PALM2AKAP2: variants seen among roughly 807,000 people sequenced by gnomAD.
PALM2AKAP2 encodes PALM2 and AKAP2 fusion.
PALM2AKAP2 carries 37 observed loss-of-function variants against 71.5 expected under a neutral mutation model. The observed-to-expected ratio is 0.52, with a 90% CI of 0.40 to 0.68. The LOEUF (loss-of-function observed/expected upper bound fraction) is 0.68. Among genes scored for constraint, PALM2AKAP2 ranks in the 30% least tolerant of loss-of-function variants. The probability of loss-of-function intolerance (pLI) is 0.00; values close to 1 mark genes in which losing one functional copy is unlikely to be tolerated. For missense variants in PALM2AKAP2, 1,224 were observed against 1,191.8 expected, an observed-to-expected ratio of 1.03 and a Z score of -0.40; for synonymous variants, 468 against 478.8, an observed-to-expected ratio of 0.98 and a Z score of 0.29.
intron 6 of PALM2AKAP2, among the ~76,000 whole-genome samples, chr9:109,990,033 C>T (rs1017171763): frequency 6.6e-5 from 10 of 151,674 alleles, no homozygotes; most frequent in African/African-American, 2.2e-4. Context: ...CACTGTTCCA[C>T]TGTTTAAGTC....
chr9:110,024,934 T>C (rs1428395255), intron 7 of PALM2AKAP2: 9 of 1,380,676 alleles, frequency 6.5e-6, no homozygotes, highest in Non-Finnish European at 9.3e-6. Context: ...TCCTTCCCAT[T>C]GGTTCTCACA....
chr9:110,161,968 A>G lies in PALM2AKAP2; in HGVS notation c.2748+5471A>G, dbSNP rs1390544329. 17 of 1,288,692 alleles carry G rather than the reference A, an allele frequency of 1.3e-5. No homozygotes were observed. In the Admixed American group the frequency reaches 3.1e-4, roughly 23 times the overall value. 79.8% of individuals were successfully genotyped at this position (1,288,692 alleles called of 1,614,324 possible). A position where few individuals can be genotyped will look rare whatever the true frequency, so the allele number is the denominator to read the frequency against. ...ATGGAGAAAGTTTTGGCATGGGTGTAGAATGGCCTCCTGGTATTACTTCCC... is the reference window on the plus strand; with the variant it reads ...ATGGAGAAAGTTTTGGCATGGGTGTGGAATGGCCTCCTGGTATTACTTCCC... On this transcript the variant is annotated intron_variant, in intron 3 of 3. Coordinates refer to ENST00000374525, the Ensembl canonical transcript of PALM2AKAP2.
chr9:109,735,461 C>G (rs1164844881), intron 1 of PALM2AKAP2, among the ~76,000 whole-genome samples: 2 of 151,998 alleles, frequency 1.3e-5, no homozygotes, highest in Non-Finnish European at 2.9e-5. Context: ...ACTCTCAGCT[C>G]AAATCTTGTC....
At chr9:110,169,060 T>G in exon 4 of PALM2AKAP2, 1 of 152,780 alleles carries the variant, frequency 6.5e-6, no homozygotes, top group Non-Finnish European at 1.5e-5. Flanking sequence ...TCTCCTACAT[T>G]TAATTATTTT....
chr9:110,093,145 AGCCAGTTGTT>A (rs1222675543), intron 1 of PALM2AKAP2, among the ~76,000 whole-genome samples: 2 of 152,244 alleles, frequency 1.3e-5, no homozygotes, highest in Admixed American at 1.3e-4. Context: ...CAGGCCATGT[AGCCAGTTGTT>A]GTCTTTGTTT....
At chr9:109,687,160 C>A (rs919930388) in intron 1 of PALM2AKAP2, among the ~76,000 whole-genome samples, 1 of 152,086 alleles carries the variant, frequency 6.6e-6, no homozygotes, top group Non-Finnish European at 1.5e-5. Flanking sequence ...TCGCATAATT[C>A]TTAAGAGCTC....
chr9:109,960,906 G>A (rs1831841080), intron 6 of PALM2AKAP2, among the ~76,000 whole-genome samples: 1 of 152,128 alleles, frequency 6.6e-6, no homozygotes, highest in East Asian at 1.9e-4. Flanking sequence ...ACTATTTGAG[G>A]GAAAAGTGTT....
At chr9:109,833,561 T>A (rs966631127) in intron 1 of PALM2AKAP2, among the ~76,000 whole-genome samples, 1 of 152,142 alleles carries the variant, frequency 6.6e-6, no homozygotes, top group Non-Finnish European at 1.5e-5. Flanking sequence ...TTCTGGTCTG[T>A]GGGCTCACCT....
chr9:109,785,551 G>A (rs898258855), intron 1 of PALM2AKAP2, among the ~76,000 whole-genome samples: 1 of 152,160 alleles, frequency 6.6e-6, no homozygotes, highest in Admixed American at 6.5e-5. Context: ...ATAGTTCCAC[G>A]TGGCTGGGGA....
chr9:109,975,890 A>C (rs1739470965), intron 6 of PALM2AKAP2, among the ~76,000 whole-genome samples: 1 of 152,258 alleles, frequency 6.6e-6, no homozygotes, highest in Non-Finnish European at 1.5e-5. Flanking sequence ...GAGGAGGAAG[A>C]GCAGATTAAG....
chr9:109,964,619 G>A (rs749755141), intron 6 of PALM2AKAP2, among the ~76,000 whole-genome samples: 7 of 152,174 alleles, frequency 4.6e-5, no homozygotes, highest in Non-Finnish European at 7.3e-5. Context: ...TCACACTGGG[G>A]AGGCTGGCTT....
intron 1 of PALM2AKAP2, among the ~76,000 whole-genome samples, chr9:109,686,993 C>T (rs974495812): frequency 6.6e-6 from 1 of 152,140 alleles, no homozygotes; most frequent in African/African-American, 2.4e-5. Context: ...CATGTCCCTA[C>T]AAAGGACATG....
chr9:109,819,693 G>GTA (rs1827942751), intron 1 of PALM2AKAP2, among the ~76,000 whole-genome samples: 1 of 95,478 alleles, frequency 1.0e-5, no homozygotes, highest in African/African-American at 5.8e-5. Flanking sequence ...GCCTAATTAT[G>GTA]TGTGTGTGTG....
In PALM2AKAP2 at chr9:109,999,066, C is replaced by A. The variant is rs149777126; in HGVS notation, c.497-16888C>A. On this transcript the variant is annotated intron_variant, in intron 6 of 9. Transcript: ENST00000302798. ...AAAGTGCTCAGGGTCTGGCTGGGCA[C>A]GGTGGCTCACGCCTGTAATCTCAGC... Among the ~76,000 whole-genome samples the A allele has an allele frequency of 9.1e-3, 1,388 of 152,012 alleles. 25 individuals carry two copies. The highest frequency in any genetic ancestry group is 0.031 in the African/African-American group (1,302 of 41,476).
chr9:110,108,405 G>A (rs533726419), intron 1 of PALM2AKAP2, among the ~76,000 whole-genome samples: 7 of 152,146 alleles, frequency 4.6e-5, no homozygotes, highest in South Asian at 4.2e-4. Flanking sequence ...GAGCCACCCC[G>A]CCTGGCTGCC....
At chr9:109,948,665 G>T (rs1479631984) in intron 6 of PALM2AKAP2, among the ~76,000 whole-genome samples, 1 of 151,996 alleles carries the variant, frequency 6.6e-6, no homozygotes, top group African/African-American at 2.4e-5. Flanking sequence ...TTTTTTGCAA[G>T]TCACTGCATT....
At chr9:109,794,162 T>C (rs1827187131) in intron 1 of PALM2AKAP2, among the ~76,000 whole-genome samples, 1 of 152,020 alleles carries the variant, frequency 6.6e-6, no homozygotes, top group Non-Finnish European at 1.5e-5. Flanking sequence ...TGATGAGAGG[T>C]TTTGTTTACC....
chr9:109,881,275 G>A (rs1045134550), intron 3 of PALM2AKAP2, among the ~76,000 whole-genome samples: 66 of 152,214 alleles, frequency 4.3e-4, no homozygotes, highest in Admixed American at 4.3e-3. Context: ...ATACAGCACA[G>A]TGATGGCTTC....
At chr9:110,035,874 C>CAT (rs762111363) in intron 7 of PALM2AKAP2, among the ~76,000 whole-genome samples, 2 of 136,502 alleles carry the variant, frequency 1.5e-5, no homozygotes, top group African/African-American at 2.6e-5. Context: ...TTATATATAA[C>CAT]ATATATGATA....
Sources: allele counts gnomAD v4.1 joint callset (sites outside exome capture counted in the v4.1 genomes callset), GRCh38; gene constraint gnomAD v4.1.1; transcripts MANE v1.5; gene names NCBI Gene and HGNC (gene_info 2026-07-23, HGNC 2026-07-21).